TNRC6B: variants seen among roughly 807,000 people sequenced by gnomAD.
TNRC6B encodes trinucleotide repeat-containing gene 6B protein.
A neutral mutation model predicts 203.6 loss-of-function variants in TNRC6B; 52 were observed. The ratio of observed to expected loss-of-function variants is 0.26; its 90% confidence interval spans 0.20 to 0.32. TNRC6B has a LOEUF of 0.32. Among genes scored for constraint, TNRC6B ranks in the 10% least tolerant of loss-of-function variants. The probability of loss-of-function intolerance (pLI) is 1.00; values close to 1 mark genes in which losing one functional copy is unlikely to be tolerated. For missense variants in TNRC6B, 1,923 were observed against 2,286.2 expected (o/e 0.84, Z 3.24); for synonymous variants, 838 against 845.7 (o/e 0.99, Z 0.16).
At position 40,312,966 on chromosome 22, in the gene TNRC6B, C is replaced by G; in HGVS notation, c.4647C>G (p.Asp1549Glu). ...GTGCCTGGCCCTACAGTGCCTCTGA[C>G]AACTCCTTTACCAACGTTCATAGCA... The part of the protein sequence containing the change: ...SPGAWPYSAS[D>E]NSFTNVHSTS... The change falls in exon 19 of 23, where the codon GAC becomes GAG. Residue 1549 changes from aspartate (D) to glutamate (E), a missense_variant. This residue lies in a region of TNRC6B where 159 missense variants were observed against 181.0 expected (regional missense o/e 0.88). Coordinates refer to ENST00000454349, the MANE Select transcript of TNRC6B (RefSeq NM_001162501.2). The G allele has an allele frequency of 6.2e-7, 1 of 1,613,854 alleles. No individual in the cohort carries two copies. The highest frequency in any genetic ancestry group is 8.5e-7 in the Non-Finnish European group (1 of 1,179,824).
intron 15 of TNRC6B, among the ~76,000 whole-genome samples, chr22:40,304,553 CCTT>C (rs1267677695): frequency 6.6e-6 from 1 of 152,152 alleles, no homozygotes; most frequent in African/African-American, 2.4e-5. Context: ...TAACAAGACT[CCTT>C]CTGTTCCCAT....
intron 1 of TNRC6B, among the ~76,000 whole-genome samples, chr22:40,242,621 G>C (rs1466101518): frequency 6.6e-6 from 1 of 151,600 alleles, no homozygotes; most frequent in Non-Finnish European, 1.5e-5. Context: ...ACCTCTGTGG[G>C]GTTTCTCCAT....
At chr22:40,080,890 C>T (rs1007701060) in intron 1 of TNRC6B, among the ~76,000 whole-genome samples, 3 of 150,926 alleles carry the variant, frequency 2.0e-5, no homozygotes, top group Admixed American at 6.6e-5. Context: ...AGAGTCTCGC[C>T]GTGACACCCA....
chr22:40,312,460 T>C (rs1458486138), intron 17 of TNRC6B, 45 bp from the exon 18 acceptor site: 3 of 1,575,274 alleles, frequency 1.9e-6, no homozygotes, highest in Non-Finnish European at 2.6e-6. Flanking sequence ...ATATCATTTT[T>C]TTTTAACGAC....
intron 3 of TNRC6B, among the ~76,000 whole-genome samples, chr22:40,260,350 G>C (rs1437080301): frequency 6.6e-6 from 1 of 152,118 alleles, no homozygotes; most frequent in Non-Finnish European, 1.5e-5. Context: ...TCTTGTAAGA[G>C]TCCACTCTGT....
At position 40,326,587 on chromosome 22, in the gene TNRC6B, A is replaced by G. The variant is rs1488134471; in HGVS notation, c.*3346A>G. 1 of 152,526 alleles carries G rather than the reference A, an allele frequency of 6.6e-6. No homozygotes were observed. Among genetic ancestry groups the G allele is most frequent in the Non-Finnish European group, 1.5e-5 (1 of 68,012 alleles). The allele number at this position is 152,526 out of a possible 1,614,324, so 9.4% of individuals were successfully genotyped here. A position where few individuals can be genotyped will look rare whatever the true frequency, so the allele number is the denominator to read the frequency against. On this transcript the variant is annotated 3_prime_UTR_variant, in exon 23 of 23. Transcript: ENST00000454349. ...TTGAGACTGAACTGAAATCTCCCCTAGTAATTTTTATTTTTTTAAAGGAAC... is the reference window on the plus strand; with the variant it reads ...TTGAGACTGAACTGAAATCTCCCCTGGTAATTTTTATTTTTTTAAAGGAAC...
upstream of TNRC6B, among the ~76,000 whole-genome samples, chr22:40,175,729 A>G (rs2069050030): frequency 6.6e-6 from 1 of 152,222 alleles, no homozygotes. Flanking sequence ...TTTTTCCTGC[A>G]TCTCAATTGT....
intron 3 of TNRC6B, among the ~76,000 whole-genome samples, chr22:40,127,243 A>C (rs1485495043): frequency 6.6e-6 from 1 of 152,016 alleles, no homozygotes; most frequent in Admixed American, 6.6e-5. Flanking sequence ...TTTCTTTCTG[A>C]ATGCCCCCTC....
At chr22:40,293,133 A>G (rs745542422) in intron 12 of TNRC6B, among the ~76,000 whole-genome samples, 12 of 148,592 alleles carry the variant, frequency 8.1e-5, no homozygotes, top group Non-Finnish European at 1.2e-4. Context: ...GTTCATAGAC[A>G]TTTGGATTGC....
Position 40,178,101 on chromosome 22 carries a change from C to T in TNRC6B, c.-35C>T. On this transcript the variant is annotated 5_prime_UTR_variant, in exon 1 of 23. Transcript: ENST00000454349. ...TTCATTTCCATTTCTACCTTGTATGCCTCAATTTGCTGGATTTAAGCACTG... is the reference window on the plus strand; with the variant it reads ...TTCATTTCCATTTCTACCTTGTATGTCTCAATTTGCTGGATTTAAGCACTG... The T allele has an allele frequency of 6.2e-7, 1 of 1,610,566 alleles. No individual in the cohort carries two copies. The highest frequency in any genetic ancestry group is 1.3e-5 in the African/African-American group (1 of 74,818).
intron 1 of TNRC6B, among the ~76,000 whole-genome samples, chr22:40,057,220 A>C (rs946494529): frequency 1.3e-5 from 2 of 151,928 alleles, no homozygotes; most frequent in African/African-American, 4.8e-5. Context: ...CCTCTTGTGA[A>C]TAGTACAGTT....
chr22:40,270,161 C>T lies in TNRC6B; in HGVS notation c.2846C>T (p.Thr949Ile), dbSNP rs748004558. 1 of 1,586,416 alleles carries T rather than the reference C, an allele frequency of 6.3e-7. No homozygotes were observed. The highest frequency in any genetic ancestry group is 8.6e-7 in the Non-Finnish European group (1 of 1,165,668). ...ACACCACCTGCTCCAGATAATGGTACTTCCGCTTGGGGTGAGCCAAATGAA... is the reference window on the plus strand; with the variant it reads ...ACACCACCTGCTCCAGATAATGGTATTTCCGCTTGGGGTGAGCCAAATGAA... ...KSTPPAPDNG[T>I]SAWGEPNESS... The change falls in exon 6 of 23, where the codon ACT becomes ATT. Residue 949 changes from threonine (T) to isoleucine (I), a missense_variant. Around this residue, in one of 8 missense-constraint regions of TNRC6B, gnomAD observed 599 missense variants for 656.5 expected, o/e 0.91. Coordinates refer to ENST00000454349, the MANE Select transcript of TNRC6B (RefSeq NM_001162501.2).
At chr22:40,166,873 T>C (rs6001819) in intron 4 of TNRC6B, among the ~76,000 whole-genome samples, 101,565 of 150,224 alleles carry the variant, frequency 0.68, 36,015 homozygotes, top group African/African-American at 0.9. Flanking sequence ...CCAGCCTGGG[T>C]GACGGAGTGA....
Position 40,335,673 on chromosome 22 carries a change from T to TTTTTA in TNRC6B, c.*12447_*12451dup, listed in dbSNP as rs921672914. On this transcript the variant is annotated 3_prime_UTR_variant, in exon 23 of 23. Transcript: ENST00000454349. ...AGCTTATTTTTGTTTTTGTTTAGTT[T>TTTTTA]TTTTATTTTATTTTATTTTGGAAAG... 6 of 151,776 alleles carry TTTTTA rather than the reference T, an allele frequency of 4.0e-5. No homozygotes were observed. The highest frequency in any genetic ancestry group is 1.5e-4 in the African/African-American group (6 of 41,328). The allele number at this position is 151,776 out of a possible 1,614,324, so 9.4% of individuals were successfully genotyped here.
intron 12 of TNRC6B, among the ~76,000 whole-genome samples, chr22:40,291,733 G>T (rs1340599736): frequency 6.6e-6 from 1 of 152,196 alleles, no homozygotes; most frequent in African/African-American, 2.4e-5. Flanking sequence ...ATGCTGCAGA[G>T]AAATCCTTAT....
At chr22:40,321,413 G>C in intron 22 of TNRC6B, 184 bp downstream of exon 22, 1 of 676,364 alleles carries the variant, frequency 1.5e-6, no homozygotes, top group Non-Finnish European at 2.5e-6. Flanking sequence ...CCAAAGCTTG[G>C]ATTGTCCTGT....
At chr22:40,287,529 C>G (rs1002190334) in intron 12 of TNRC6B, among the ~76,000 whole-genome samples, 4 of 152,164 alleles carry the variant, frequency 2.6e-5, no homozygotes, top group South Asian at 4.1e-4. Context: ...CCCTTGGCAC[C>G]TCTCCTCTTC....
chr22:40,265,063 A>G lies in TNRC6B; in HGVS notation c.833A>G (p.Asn278Ser). The G allele has an allele frequency of 6.2e-7, 1 of 1,614,054 alleles. No individual in the cohort carries two copies. Among genetic ancestry groups the G allele is most frequent in the Non-Finnish European group, 8.5e-7 (1 of 1,179,900 alleles). The change falls in exon 5 of 23, where the codon AAC (asparagine) becomes AGC (serine). Residue 278 changes from asparagine to serine, a missense_variant. Transcript: ENST00000454349. ...VQSSNSTTEN[N>S]NGLGNWRNVS... ...TCTTCCAACTCTACTACAGAGAACAACAATGGACTAGGAAATTGGAGGAAT... is the reference window on the plus strand; with the variant it reads ...TCTTCCAACTCTACTACAGAGAACAGCAATGGACTAGGAAATTGGAGGAAT...
intron 1 of TNRC6B, among the ~76,000 whole-genome samples, chr22:40,092,286 C>T (rs1292280589): frequency 1.3e-5 from 2 of 151,696 alleles, no homozygotes. Context: ...GCCTGTAATC[C>T]CAGCTGCTTG....
Sources: allele counts gnomAD v4.1 joint callset (sites outside exome capture counted in the v4.1 genomes callset), GRCh38; gene constraint gnomAD v4.1.1; regional missense constraint gnomAD v4.1.1; transcripts MANE v1.5; gene names NCBI Gene and HGNC (gene_info 2026-07-23, HGNC 2026-07-21).